RUFY2: variants seen among roughly 807,000 people sequenced by gnomAD.
The protein encoded by RUFY2 is RUN and FYVE domain-containing protein 2.
A neutral mutation model predicts 94.4 loss-of-function variants in RUFY2; 49 were observed. That is an observed-to-expected ratio of 0.52 (90% CI 0.41 to 0.66). The LOEUF is 0.66. Ranked by LOEUF, RUFY2 falls within the 30% of genes least tolerant of loss-of-function variation. The pLI, the probability that RUFY2 is intolerant of heterozygous loss-of-function variation, is 0.00. For synonymous variants in RUFY2, 255 were observed against 235.7 expected (o/e 1.08, Z -0.75); for missense variants, 541 against 692.8 (o/e 0.78, Z 2.46).
intron 2 of RUFY2, among the ~76,000 whole-genome samples, chr10:68,403,793 CTTT>C (rs34271308): frequency 1.7e-4 from 24 of 140,176 alleles, no homozygotes; most frequent in Admixed American, 2.9e-4. Flanking sequence ...ATCTTTGAAT[CTTT>C]TTTTTTTTTT....
At chr10:68,346,409 A>T (rs1310882809) in intron 16 of RUFY2, 7 of 223,990 alleles carry the variant, frequency 3.1e-5, no homozygotes, top group African/African-American at 1.1e-4. Context: ...TGGGCAACAC[A>T]GAATCTGTCT....
chr10:68,357,388 C>A (rs2047136756), intron 15 of RUFY2, among the ~76,000 whole-genome samples: 2 of 151,636 alleles, frequency 1.3e-5, no homozygotes, highest in Admixed American at 6.6e-5. Context: ...GTCACCACAC[C>A]CAGCTAATTT....
At chr10:68,391,660 A>AC (rs1249679819) in intron 7 of RUFY2, among the ~76,000 whole-genome samples, 30 of 148,574 alleles carry the variant, frequency 2.0e-4, no homozygotes, top group Middle Eastern at 7.4e-3. Flanking sequence ...TCTCAAAAAA[A>AC]AAAAAAAAAA....
downstream of RUFY2, chr10:68,341,459 T>C: frequency 2.0e-6 from 2 of 993,902 alleles, no homozygotes; most frequent in Non-Finnish European, 3.0e-6. Context: ...TATATATCGC[T>C]GTACTAGTAA....
At position 68,345,405 on chromosome 10, in the gene RUFY2, A is replaced by C; in HGVS notation, c.*363T>G. The stretch of plus-strand genomic sequence containing the variant: ...CCAGTTTCAGAACTGTGAAGCTTTA[A>C]AGTGCATTAAGAGAACTGCAGGCAC... On this transcript the variant is annotated 3_prime_UTR_variant, in exon 18 of 18. Coordinates refer to ENST00000602465, the MANE Select transcript of RUFY2 (RefSeq NM_001330103.2). 1 of 396,160 alleles carries C rather than the reference A, an allele frequency of 2.5e-6. No homozygotes were observed. Among genetic ancestry groups the C allele is most frequent in the Non-Finnish European group, 4.4e-6 (1 of 224,932 alleles). 24.5% of individuals were successfully genotyped at this position (396,160 alleles called of 1,614,324 possible).
chr10:68,386,308 A>G lies in RUFY2; in HGVS notation c.651-180T>C, dbSNP rs115780864. On this transcript the variant is annotated intron_variant, in intron 7 of 17. Transcript: ENST00000602465. The stretch of plus-strand genomic sequence containing the variant: ...TGATTTAGCTAGGAGGGCAATAAAG[A>G]GTGTAGCAAAATAATATTTGTATTA... Among the ~76,000 whole-genome samples, 1,239 of 152,268 alleles carry G rather than the reference A, an allele frequency of 8.1e-3. 17 individuals carry two copies. The highest frequency in any genetic ancestry group is 0.028 in the African/African-American group (1,155 of 41,532).
chr10:68,369,939 T>A (rs1257464643), intron 13 of RUFY2, among the ~76,000 whole-genome samples: 4 of 152,010 alleles, frequency 2.6e-5, no homozygotes. Flanking sequence ...AATAAACCTG[T>A]TTTCTTTTTA....
intron 13 of RUFY2, among the ~76,000 whole-genome samples, chr10:68,370,960 G>A (rs1202842237): frequency 1.3e-5 from 2 of 151,778 alleles, no homozygotes; most frequent in African/African-American, 4.8e-5. Context: ...GTGAAACCCT[G>A]TCTCTACTAA....
chr10:68,406,791 C>T, intron 1 of RUFY2: 1 of 1,612,600 alleles, frequency 6.2e-7, no homozygotes, highest in Non-Finnish European at 8.5e-7. Flanking sequence ...GTCTCCCGCC[C>T]TCGGCGTCAG....
At chr10:68,365,349 C>T (rs762223532) in intron 13 of RUFY2, among the ~76,000 whole-genome samples, 9 of 152,192 alleles carry the variant, frequency 5.9e-5, no homozygotes, top group Non-Finnish European at 1.0e-4. Flanking sequence ...TCTGCACATT[C>T]TCTCCATGTC....
intron 4 of RUFY2, among the ~76,000 whole-genome samples, chr10:68,395,646 A>G (rs1293923026): frequency 6.6e-6 from 1 of 152,224 alleles, no homozygotes; most frequent in East Asian, 1.9e-4. Context: ...TGTGAAAGAA[A>G]TAGGACAGTT....
intron 7 of RUFY2, among the ~76,000 whole-genome samples, chr10:68,389,447 C>T (rs2049810322): frequency 6.6e-6 from 1 of 151,872 alleles, no homozygotes; most frequent in African/African-American, 2.4e-5. Flanking sequence ...AAAAAATTAG[C>T]TGGGCATGGT....
chr10:68,355,228 C>G, intron 16 of RUFY2, 125 bp downstream of exon 16: 1 of 618,314 alleles, frequency 1.6e-6, no homozygotes, highest in East Asian at 2.9e-5. Flanking sequence ...AGCATCCAAG[C>G]TCCTCATTCA....
At chr10:68,352,944 T>C (rs1456338134) in intron 16 of RUFY2, among the ~76,000 whole-genome samples, 1 of 151,410 alleles carries the variant, frequency 6.6e-6, no homozygotes, top group Non-Finnish European at 1.5e-5. Flanking sequence ...GGGCAATTAT[T>C]AACTCCAGAG....
At chr10:68,392,284 C>T (rs561522450) in intron 7 of RUFY2, among the ~76,000 whole-genome samples, 3 of 152,166 alleles carry the variant, frequency 2.0e-5, no homozygotes, top group South Asian at 4.1e-4. Flanking sequence ...CCACCCGCCT[C>T]GGCCTTCCAA....
At chr10:68,369,990 TA>T (rs71470517) in intron 13 of RUFY2, among the ~76,000 whole-genome samples, 10,466 of 150,440 alleles carry the variant, frequency 0.07, 535 homozygotes, top group African/African-American at 0.14. Flanking sequence ...TAATAGAAAG[TA>T]AACTAATCTA....
chr10:68,401,621 T>G lies in RUFY2; in HGVS notation c.295A>C (p.Lys99Gln). ...TGAACAAGTAATAGGCCTCCTTACT[T>G]CAGACCAGGTAGATCCCGGACACTA... ...GASVRDLPGLKTPLGRARAWL... is the reference protein window; with the variant it reads ...GASVRDLPGLQTPLGRARAWL... The change falls in exon 3 of 18, where the codon AAG (lysine) becomes CAG (glutamine). Residue 99 changes from lysine to glutamine, a missense_variant and splice_region_variant. This residue lies in a region of RUFY2 where 85 missense variants were observed against 153.4 expected (regional missense o/e 0.55). Transcript: ENST00000602465. 1 of 1,603,806 alleles carries G rather than the reference T, an allele frequency of 6.2e-7. No homozygotes were observed. The highest frequency in any genetic ancestry group is 8.5e-7 in the Non-Finnish European group (1 of 1,170,558).
At position 68,376,943 on chromosome 10, in the gene RUFY2, T is replaced by TC; in HGVS notation, c.1234dup (p.Glu412GlyfsTer3). 6.2e-7 allele frequency: 1 copy of TC among 1,613,706 alleles called. No homozygotes were observed. Among genetic ancestry groups the TC allele is most frequent in the South Asian group, 1.1e-5 (1 of 91,070 alleles). The stretch of plus-strand genomic sequence containing the variant: ...ATATTTCTCATCCTCATCTTCAGCT[T>TC]CCATTTGCGCCTTCTCTGCTTGCTG... On this transcript the variant is annotated frameshift_variant, in exon 13 of 18. Transcript: ENST00000602465. LOFTEE classifies it high-confidence loss of function.
At chr10:68,349,301 A>C (rs1001119682) in intron 16 of RUFY2, among the ~76,000 whole-genome samples, 8 of 152,052 alleles carry the variant, frequency 5.3e-5, no homozygotes, top group African/African-American at 1.9e-4. Flanking sequence ...GGATCGCTTG[A>C]GCCCAGGAGT....
Sources: gnomAD v4.1 joint callset for allele counts (sites outside exome capture counted in the v4.1 genomes callset) on GRCh38, gnomAD v4.1.1 for gene constraint, gnomAD v4.1.1 regional missense constraint, MANE v1.5 for transcripts, NCBI Gene and HGNC (gene_info 2026-07-23, HGNC 2026-07-21) for gene names.